The following KIAA1549 variants were observed in gnomAD, a reference collection of about 807,000 sequenced individuals.
KIAA1549 encodes the protein KIAA1549, also known as UPF0606 protein KIAA1549.
KIAA1549 carries 70 observed loss-of-function variants against 156.4 expected under a neutral mutation model. The observed-to-expected ratio is 0.45, with a 90% CI of 0.37 to 0.55. The LOEUF (loss-of-function observed/expected upper bound fraction) is 0.55. Among genes scored for constraint, KIAA1549 ranks in the 20% least tolerant of loss-of-function variants. The pLI, the probability that KIAA1549 is intolerant of heterozygous loss-of-function variation, is 0.00. For missense variants in KIAA1549, 2,428 were observed against 2,540.9 expected, an observed-to-expected ratio of 0.96 and a Z score of 0.96; for synonymous variants, 1,103 against 1,066.4, an observed-to-expected ratio of 1.03 and a Z score of -0.67.
chr7:138,909,383 GAC>G (rs1812105062), intron 4 of KIAA1549, among the ~76,000 whole-genome samples: 1 of 152,168 alleles, frequency 6.6e-6, no homozygotes, highest in Admixed American at 6.5e-5. Flanking sequence ...AGTATCAAAA[GAC>G]ACAATGGATG....
At chr7:138,968,892 C>T (rs1035765114) in intron 1 of KIAA1549, among the ~76,000 whole-genome samples, 1 of 151,110 alleles carries the variant, frequency 6.6e-6, no homozygotes, top group Non-Finnish European at 1.5e-5. Flanking sequence ...ACCTTGTGCT[C>T]CAATAATATT....
chr7:138,906,678 T>A (rs1342582772), intron 6 of KIAA1549, among the ~76,000 whole-genome samples: 1 of 151,742 alleles, frequency 6.6e-6, no homozygotes, highest in Non-Finnish European at 1.5e-5. Flanking sequence ...GGAGGAGGGA[T>A]AAAAGACTAC....
At chr7:138,886,283 T>C (rs947059672) in intron 10 of KIAA1549, among the ~76,000 whole-genome samples, 1 of 152,160 alleles carries the variant, frequency 6.6e-6, no homozygotes, top group Admixed American at 6.5e-5. Flanking sequence ...CTAAGGTCTT[T>C]TTTTTTCATT....
At chr7:138,972,767 T>C (rs1200695273) in intron 1 of KIAA1549, among the ~76,000 whole-genome samples, 1 of 152,164 alleles carries the variant, frequency 6.6e-6, no homozygotes, top group Non-Finnish European at 1.5e-5. Flanking sequence ...TTTTGGTAAA[T>C]TAGCCATGAG....
chr7:138,979,175 G>A (rs1814466690), intron 1 of KIAA1549, among the ~76,000 whole-genome samples: 1 of 152,220 alleles, frequency 6.6e-6, no homozygotes, highest in Non-Finnish European at 1.5e-5. Flanking sequence ...CTCTTTCCAT[G>A]ATGTCAGGTC....
At chr7:138,971,956 C>A (rs926924649) in intron 1 of KIAA1549, among the ~76,000 whole-genome samples, 6 of 152,144 alleles carry the variant, frequency 3.9e-5, no homozygotes, top group Non-Finnish European at 7.4e-5. Flanking sequence ...GTGACCTGTT[C>A]CTAGCAGGCC....
chr7:138,896,510 C>A (rs529539793), intron 9 of KIAA1549, among the ~76,000 whole-genome samples: 1 of 151,934 alleles, frequency 6.6e-6, no homozygotes, highest in African/African-American at 2.4e-5. Context: ...ATAAAAGCAA[C>A]GGACAATATA....
rs1390870018 is a variant in KIAA1549 at position 138,899,054 on chromosome 7, T to C, written c.3748A>G (p.Arg1250Gly). The change falls in exon 9 of 20, where the codon AGA becomes GGA. Residue 1250 changes from arginine (R) to glycine (G), a missense_variant. This residue lies in a region of KIAA1549 where 762 missense variants were observed against 901.6 expected (regional missense o/e 0.85). Transcript: ENST00000422774. ...TCCGAAGACTTGACTGCACTGAGTC[T>C]TTCTCCATCTTGATCCTCCACAAAG... ...IYFVEDQDGE[R>G]LSAVKSSDLI... 1 of 1,613,682 alleles carries C rather than the reference T, an allele frequency of 6.2e-7. No individual in the cohort carries two copies. Among genetic ancestry groups the C allele is most frequent in the Non-Finnish European group, 8.5e-7 (1 of 1,179,742 alleles).
At position 138,917,688 on chromosome 7, in the gene KIAA1549, C is replaced by A. The variant is rs375932444; in HGVS notation, c.1938G>T (p.Ala646=). 11 of 1,609,172 alleles carry A rather than the reference C, an allele frequency of 6.8e-6. No individual in the cohort carries two copies. The highest frequency in any genetic ancestry group is 3.4e-5 in the Admixed American group (2 of 59,214). ...GSISSPSEAP[A]SLSLMPSDLS... is the part of the protein sequence containing the mutation. ...AGTCACTCGGCATCAGAGACAGAGA[C>A]GCAGGTGCTTCCGAAGGCGAAGAGA... Residue 646 remains alanine (A), a synonymous_variant, in exon 2 of 20, where the codon GCG becomes GCT. Transcript: ENST00000422774.
In KIAA1549 at chr7:138,859,778, T is replaced by A. The variant is rs1419461679; in HGVS notation, c.5247+1361A>T. Among the ~76,000 whole-genome samples, 3 of 152,222 alleles carry A rather than the reference T, an allele frequency of 2.0e-5. No homozygotes were observed. In the East Asian group the frequency reaches 5.8e-4, roughly 29 times the overall value. On this transcript the variant is annotated intron_variant, in intron 16 of 19. Coordinates refer to ENST00000422774, the MANE Select transcript of KIAA1549 (RefSeq NM_001164665.2). Reference sequence around the variant, plus strand: ...GCCACCCAGATACTCCTTCCAGTGTTTTCAGTTGTTTCAGGAAGGAAGGTA... The same window carrying A: ...GCCACCCAGATACTCCTTCCAGTGTATTCAGTTGTTTCAGGAAGGAAGGTA...
intron 2 of KIAA1549, among the ~76,000 whole-genome samples, chr7:138,914,145 G>A (rs577600582): frequency 6.6e-6 from 1 of 152,208 alleles, no homozygotes; most frequent in East Asian, 1.9e-4. Flanking sequence ...AGAACACATT[G>A]TAAGCAGCCC....
At chr7:138,877,170 G>A (rs1277128879) in intron 12 of KIAA1549, among the ~76,000 whole-genome samples, 1 of 152,126 alleles carries the variant, frequency 6.6e-6, no homozygotes, top group African/African-American at 2.4e-5. Context: ...ACTTCATTAC[G>A]ACTTTCAACA....
intron 1 of KIAA1549, among the ~76,000 whole-genome samples, chr7:138,954,281 C>G (rs1321862006): frequency 2.6e-5 from 4 of 152,170 alleles, no homozygotes; most frequent in Non-Finnish European, 5.9e-5. Flanking sequence ...GGAACCTGGG[C>G]AGGCACTCCC....
intron 12 of KIAA1549, among the ~76,000 whole-genome samples, chr7:138,874,861 G>T (rs1217185590): frequency 1.3e-5 from 2 of 152,054 alleles, no homozygotes; most frequent in African/African-American, 2.4e-5. Flanking sequence ...CCGGCGTGGT[G>T]GTGTACACCT....
chr7:138,890,265 A>G (rs1187719277), intron 10 of KIAA1549, among the ~76,000 whole-genome samples: 1 of 152,246 alleles, frequency 6.6e-6, no homozygotes, highest in Non-Finnish European at 1.5e-5. Context: ...CAGGTGGCAC[A>G]AAACGCAGTG....
chr7:138,857,163 C>T (rs1810417763), intron 16 of KIAA1549, among the ~76,000 whole-genome samples: 1 of 152,088 alleles, frequency 6.6e-6, no homozygotes, highest in African/African-American at 2.4e-5. Flanking sequence ...ATTACATGAG[C>T]CGACTCCTCA....
At chr7:138,852,117 C>T in intron 17 of KIAA1549, 106 bp downstream of exon 17, 1 of 692,310 alleles carries the variant, frequency 1.4e-6, no homozygotes, top group Non-Finnish European at 2.5e-6. Flanking sequence ...ATATACAACG[C>T]AGAGTTTTAC....
intron 2 of KIAA1549, among the ~76,000 whole-genome samples, chr7:138,916,471 C>T (rs1475223137): frequency 2.0e-5 from 3 of 152,166 alleles, no homozygotes; most frequent in Non-Finnish European, 2.9e-5. Flanking sequence ...AAGGGCTGAG[C>T]GTTCTGCAGG....
chr7:138,978,480 ATT>A (rs72274968), intron 1 of KIAA1549, among the ~76,000 whole-genome samples: 4 of 151,422 alleles, frequency 2.6e-5, no homozygotes, highest in African/African-American at 7.3e-5. Flanking sequence ...AAACTTGTAA[ATT>A]TTTTTTTTAA....
Sources: gnomAD v4.1 joint callset for allele counts (sites outside exome capture counted in the v4.1 genomes callset) on GRCh38, gnomAD v4.1.1 for gene constraint, gnomAD v4.1.1 regional missense constraint, MANE v1.5 for transcripts, NCBI Gene and HGNC (gene_info 2026-07-23, HGNC 2026-07-21) for gene names.